Variants in THBS1 observed in about 807,000 individuals in gnomAD.
THBS1 encodes the protein thrombospondin-1.
In THBS1, 29 loss-of-function variants were observed where a neutral mutation model predicts 126.1. The ratio of observed to expected loss-of-function variants is 0.23; its 90% CI spans 0.17 to 0.31. The LOEUF is 0.31. Ranked by LOEUF, THBS1 falls within the 10% of genes least tolerant of loss-of-function variation. THBS1 has a pLI of 1.00. For synonymous variants in THBS1, 496 were observed against 577.8 expected (o/e 0.86, Z 2.03); for missense variants, 1,198 against 1,545.2 (o/e 0.78, Z 3.77).
rs544707091 is a variant in THBS1 at position 39,589,795 on chromosome 15, G to T, written c.1927-10G>T. The T allele has an allele frequency of 4.4e-6, 7 of 1,592,000 alleles. No individual in the cohort carries two copies. The highest frequency in any genetic ancestry group is 6.0e-6 in the Non-Finnish European group (7 of 1,168,910). On this transcript the variant is annotated splice_polypyrimidine_tract_variant and intron_variant, in intron 12 of 21. Transcript: ENST00000260356. The surrounding 1 kb of genome is among the most constrained non-coding windows in gnomAD (Gnocchi z 4.7). ...AAGCTCTGTGTAACAGCAGCATGGT[G>T]TACCCTCAGGTGTGCAAGCCCCGTA...
At position 39,582,731 on chromosome 15, in the gene THBS1, G is replaced by T; in HGVS notation, c.606G>T (p.Gly202=). ...ASIARLRIAK[G]GVNDNFQGVL... is the part of the protein sequence containing the mutation. ...TCGCCAGACTCCGCATCGCAAAGGG[G>T]GGCGTCAATGACAATTTCCAGGTGA... Residue 202 remains glycine (G), a synonymous_variant, in exon 3 of 22, where the codon GGG becomes GGT. Transcript: ENST00000260356. The T allele has an allele frequency of 6.2e-7, 1 of 1,610,834 alleles. No homozygotes were observed. The highest frequency in any genetic ancestry group is 8.5e-7 in the Non-Finnish European group (1 of 1,178,798).
chr15:39,584,751 T>C (rs1303462334), intron 6 of THBS1, among the ~76,000 whole-genome samples: 4 of 151,922 alleles, frequency 2.6e-5, no homozygotes, highest in Non-Finnish European at 5.9e-5. Context: ...CATTTTTTTT[T>C]CCCAACCCTG....
intron 6 of THBS1, 59 bp downstream of exon 6, chr15:39,584,481 T>C: frequency 6.2e-7 from 1 of 1,603,808 alleles, no homozygotes; most frequent in Non-Finnish European, 8.5e-7. Context: ...ACCTACATCT[T>C]TGGGGAAATA....
chr15:39,594,039 A>T lies in THBS1; in HGVS notation c.3268-60A>T. On this transcript the variant is annotated intron_variant, in intron 19 of 21. Transcript: ENST00000260356. This position sits in a 1 kb window ranked among gnomAD's most constrained non-coding sequence, Gnocchi z 4.4. ...TTCAAGCATTGTTTCTGATGGAATG[A>T]AATAGAAATCTTTACCTGAAGGAGC... 1 of 1,514,324 alleles carries T rather than the reference A, an allele frequency of 6.6e-7. No homozygotes were observed. The highest frequency in any genetic ancestry group is 1.2e-5 in the South Asian group (1 of 82,980). The allele number at this position is 1,514,324 out of a possible 1,614,324, so 93.8% of individuals were successfully genotyped here.
At chr15:39,590,193 A>C (rs988685051) in intron 13 of THBS1, among the ~76,000 whole-genome samples, 170 bp downstream of exon 13, 2 of 152,160 alleles carry the variant, frequency 1.3e-5, no homozygotes, top group African/African-American at 2.4e-5. Flanking sequence ...GGTGCCAAAA[A>C]CATGAACAGG....
At position 39,585,534 on chromosome 15, in the gene THBS1, C is replaced by G. The variant is rs572392930; in HGVS notation, c.1091C>G (p.Pro364Arg). 41 of 1,614,182 alleles carry G rather than the reference C, an allele frequency of 2.5e-5. 1 individual carries two copies. The South Asian group carries it at 4.3e-4, about 17-fold the overall frequency. The change falls in exon 7 of 22, where the codon CCT becomes CGT. Residue 364 changes from proline (P) to arginine (R), a missense_variant. By Grantham distance (103) the Pro-to-Arg change is moderately radical. Around this residue, in one of 4 missense-constraint regions of THBS1, gnomAD observed 663 missense variants for 860.1 expected, o/e 0.77. Transcript: ENST00000260356. Reference sequence around the variant, plus strand: ...ATGCCCTGCTCCAATGCCACAGTTCCTGATGGAGAATGCTGTCCTCGCTGT... The same window carrying G: ...ATGCCCTGCTCCAATGCCACAGTTCGTGATGGAGAATGCTGTCCTCGCTGT... The part of the protein sequence containing the change: ...PIMPCSNATV[P>R]DGECCPRCWP...
At position 39,583,707 on chromosome 15, in the gene THBS1, A is replaced by G. The variant is rs746408058; in HGVS notation, c.703+15A>G. ...CTGCTCCAGCTGTGAGTACCCCTCT[A>G]TTTTTAGGGCACATAGGGAATCAGG... On this transcript the variant is annotated intron_variant, in intron 4 of 21. Transcript: ENST00000260356. 1 of 1,611,428 alleles carries G rather than the reference A, an allele frequency of 6.2e-7. No individual in the cohort carries two copies. The highest frequency in any genetic ancestry group is 8.5e-7 in the Non-Finnish European group (1 of 1,178,416).
Position 39,589,460 on chromosome 15 carries a change from G to C in THBS1, c.1926+106G>C. On this transcript the variant is annotated intron_variant, in intron 12 of 21. Transcript: ENST00000260356. This position sits in a 1 kb window ranked among gnomAD's most constrained non-coding sequence, Gnocchi z 4.7. ...TTCATACCCTTCACCAAAAAAAAAA[G>C]GGCGAGGAGATGAATGTACGGTCTA... 2 of 1,353,296 alleles carry C rather than the reference G, an allele frequency of 1.5e-6. No homozygotes were observed. Among genetic ancestry groups the C allele is most frequent in the Middle Eastern group, 5.3e-4 (2 of 3,804 alleles). The allele number at this position is 1,353,296 out of a possible 1,614,324, so 83.8% of individuals were successfully genotyped here.
chr15:39,583,478 G>A (rs1409092616), intron 3 of THBS1, 139 bp from the exon 4 acceptor site: 21 of 606,034 alleles, frequency 3.5e-5, no homozygotes, highest in Non-Finnish European at 5.6e-5. Context: ...GTGTTATTTT[G>A]ACATAGTGAT....
At position 39,593,590 on chromosome 15, in the gene THBS1, G is replaced by T. The variant is rs1272261564; in HGVS notation, c.3189G>T (p.Val1063=). The part of the protein sequence containing the change: ...TRAQGYSGLS[V]KVVNSTTGPG... ...CTCAGGGATACTCGGGCCTTTCTGTGAAAGTTGTAAACTCCACCACAGGGC... is the reference window on the plus strand; with the variant it reads ...CTCAGGGATACTCGGGCCTTTCTGTTAAAGTTGTAAACTCCACCACAGGGC... The change falls in exon 19 of 22, where the codon GTG becomes GTT. Residue 1063 remains valine, a synonymous_variant. Transcript: ENST00000260356. This position sits in a 1 kb window ranked among gnomAD's most constrained non-coding sequence, Gnocchi z 5.9. 4.4e-5 allele frequency: 71 copies of T among 1,614,116 alleles called. No individual in the cohort carries two copies. The highest frequency in any genetic ancestry group is 5.6e-5 in the Non-Finnish European group (66 of 1,180,046).
Position 39,590,018 on chromosome 15 carries a change from A to C in THBS1, c.2140A>C (p.Lys714Gln), listed in dbSNP as rs758405869. Reference protein sequence around the residue: ...VCVANATYHCKKDNCPNLPNS... With the variant: ...VCVANATYHCQKDNCPNLPNS... ...CGTGGCCAATGCGACTTACCACTGC[A>C]AAAAGGTAGAGCCAGGTCCTTTGTG... The change falls in exon 13 of 22, where the codon AAA (lysine) becomes CAA (glutamine). Residue 714 changes from lysine (K) to glutamine (Q), a missense_variant. Physicochemically the swap from Lys to Gln is moderately conservative, Grantham distance 53. Transcript: ENST00000260356. 1.6e-5 allele frequency: 25 copies of C among 1,597,720 alleles called. No homozygotes were observed. The South Asian group carries it at 2.8e-4, about 18-fold the overall frequency.
rs576321057 is a variant in THBS1, at chr15:39,591,255, G to T, written c.2318G>T (p.Arg773Leu). 4.3e-6 allele frequency: 7 copies of T among 1,614,172 alleles called. No individual in the cohort carries two copies. Among genetic ancestry groups the T allele is most frequent in the Admixed American group, 1.7e-5 (1 of 60,018 alleles). Residue 773 changes from arginine (R) to leucine (L), a missense_variant, in exon 15 of 22, where the codon CGC becomes CTC. Around this residue, in one of 4 missense-constraint regions of THBS1, gnomAD observed 663 missense variants for 860.1 expected, o/e 0.77. Coordinates refer to ENST00000260356, the MANE Select transcript of THBS1 (RefSeq NM_003246.4). ...TATGACAGAGATGATGTGGGAGACC[G>T]CTGTGACAACTGTCCCTACAACCAC... ...YDYDRDDVGD[R>L]CDNCPYNHNP... is the part of the protein sequence containing the mutation.
intron 1 of THBS1, 68 bp from the exon 2 acceptor site, chr15:39,581,761 G>A (rs1890111166): frequency 1.9e-6 from 2 of 1,036,158 alleles, no homozygotes; most frequent in Admixed American, 4.2e-5. Flanking sequence ...GCCCAGCCCC[G>A]TTTCTGCGCA....
In THBS1 at chr15:39,588,070, G is replaced by T; in HGVS notation, c.1323G>T (p.Trp441Cys). The stretch of plus-strand genomic sequence containing the variant: ...AACAGGATGGTGGCTGGAGCCACTG[G>T]TCCCCGTGGTCATCTTGTTCTGTGA... Reference protein sequence around the residue: ...RFKQDGGWSHWSPWSSCSVTC... With the variant: ...RFKQDGGWSHCSPWSSCSVTC... Residue 441 changes from tryptophan (W) to cysteine (C), a missense_variant, in exon 9 of 22, where the codon TGG becomes TGT. By Grantham distance (215) the Trp-to-Cys change is radical (BLOSUM62 -2). Transcript: ENST00000260356. 6.2e-7 allele frequency: 1 copy of T among 1,614,158 alleles called. No individual in the cohort carries two copies. Among genetic ancestry groups the T allele is most frequent in the Non-Finnish European group, 8.5e-7 (1 of 1,180,006 alleles).
Position 39,596,414 on chromosome 15 carries a change from T to G in THBS1, c.*1045T>G, listed in dbSNP as rs1890444408. The G allele has an allele frequency of 1.3e-5, 2 of 153,474 alleles. No individual in the cohort carries two copies. The highest frequency in any genetic ancestry group is 4.8e-5 in the African/African-American group (2 of 41,456). 9.5% of individuals were successfully genotyped at this position (153,474 alleles called of 1,614,324 possible). The stretch of plus-strand genomic sequence containing the variant: ...TTTATTTTTTACTTATTCTGGAAGA[T>G]CTGGCTGAAGGATTATTCATGGAAC... On this transcript the variant is annotated 3_prime_UTR_variant, in exon 22 of 22. Transcript: ENST00000260356.
intron 9 of THBS1, 116 bp from the exon 10 acceptor site, chr15:39,588,410 A>T: frequency 7.4e-7 from 1 of 1,356,572 alleles, no homozygotes; most frequent in Non-Finnish European, 1.0e-6. Flanking sequence ...CTTCCCCAGC[A>T]TTCTTTCCAT....
At chr15:39,582,027 C>A in intron 2 of THBS1, 103 bp downstream of exon 2, 1 of 1,393,836 alleles carries the variant, frequency 7.2e-7, no homozygotes, top group Non-Finnish European at 1.0e-6. Context: ...TTGAGCCTGA[C>A]TGGACATCAG....
Position 39,589,436 on chromosome 15 carries a change from T to C in THBS1, c.1926+82T>C. The C allele has an allele frequency of 6.5e-7, 1 of 1,529,400 alleles. No homozygotes were observed. The highest frequency in any genetic ancestry group is 8.8e-7 in the Non-Finnish European group (1 of 1,134,090). The allele number at this position is 1,529,400 out of a possible 1,614,324, so 94.7% of individuals were successfully genotyped here. A position where few individuals can be genotyped will look rare whatever the true frequency, so the allele number is the denominator to read the frequency against. The stretch of plus-strand genomic sequence containing the variant: ...AACTGGGAGCGGGAGGAATGTAATT[T>C]CATACCCTTCACCAAAAAAAAAAGG... On this transcript the variant is annotated intron_variant, in intron 12 of 21. Transcript: ENST00000260356. The surrounding 1 kb of genome is among the most constrained non-coding windows in gnomAD (Gnocchi z 4.7).
In THBS1 at chr15:39,587,359, C is replaced by A; in HGVS notation, c.1133C>A (p.Ala378Glu). Residue 378 changes from alanine to glutamate, a missense_variant, in exon 8 of 22, where the codon GCG (alanine) becomes GAG (glutamate). By Grantham distance (107) the Ala-to-Glu change is moderately radical. Around this residue, in one of 4 missense-constraint regions of THBS1, gnomAD observed 663 missense variants for 860.1 expected, o/e 0.77. Transcript: ENST00000260356. ...GTTTCCCCTGCAGCCAGCGACTCTG[C>A]GGACGATGGCTGGTCTCCATGGTCC... ...CCPRCWPSDS[A>E]DDGWSPWSEW... The A allele has an allele frequency of 6.2e-7, 1 of 1,612,306 alleles. No homozygotes were observed. Among genetic ancestry groups the A allele is most frequent in the Non-Finnish European group, 8.5e-7 (1 of 1,178,962 alleles).
Sources: gnomAD v4.1 joint callset for allele counts (sites outside exome capture counted in the v4.1 genomes callset) on GRCh38, gnomAD v4.1.1 for gene constraint, gnomAD v4.1.1 regional missense constraint, Gnocchi (gnomAD v3.1) non-coding constraint, MANE v1.5 for transcripts, NCBI Gene and HGNC (gene_info 2026-07-23, HGNC 2026-07-21) for gene names.